The following HEMK2 variants were observed in gnomAD, a reference collection of about 807,000 sequenced individuals.
HEMK2 encodes methyltransferase HEMK2.
chr21:28,704,880 G>A, the HEMK2 span, among the ~76,000 whole-genome samples: 2 of 152,216 alleles, frequency 1.3e-5, no homozygotes, highest in Non-Finnish European at 2.9e-5. Flanking sequence ...ACCAGGTGGA[G>A]CATGTAAAGG....
At chr21:28,678,229 G>C in the HEMK2 span, among the ~76,000 whole-genome samples, 1 of 152,296 alleles carries the variant, frequency 6.6e-6, no homozygotes, top group East Asian at 1.9e-4. Context: ...ACCAAGGCAT[G>C]AGAACTACAT....
chr21:28,810,664 T>C, the HEMK2 span, among the ~76,000 whole-genome samples: 2 of 152,320 alleles, frequency 1.3e-5, no homozygotes, highest in South Asian at 4.1e-4. Context: ...GCAAGGATAT[T>C]GCTGAAAACT....
the HEMK2 span, among the ~76,000 whole-genome samples, chr21:28,698,165 A>G: frequency 6.6e-6 from 1 of 152,192 alleles, no homozygotes; most frequent in Admixed American, 6.5e-5. Flanking sequence ...AATTTAGGAA[A>G]CACACGAAGA....
At chr21:28,714,553 C>T in the HEMK2 span, among the ~76,000 whole-genome samples, 1 of 152,178 alleles carries the variant, frequency 6.6e-6, no homozygotes, top group Non-Finnish European at 1.5e-5. Flanking sequence ...GTTAAAGGAA[C>T]AAACATGGTT....
At chr21:28,721,714 A>G in the HEMK2 span, among the ~76,000 whole-genome samples, 1 of 152,108 alleles carries the variant, frequency 6.6e-6, no homozygotes. Context: ...CTTTACATAT[A>G]TTACTAATTA....
the HEMK2 span, among the ~76,000 whole-genome samples, chr21:28,640,192 C>A: frequency 6.6e-6 from 1 of 152,114 alleles, no homozygotes; most frequent in Non-Finnish European, 1.5e-5. Flanking sequence ...TCTGAGAGTT[C>A]CGAACAGTGT....
the HEMK2 span, among the ~76,000 whole-genome samples, chr21:28,769,518 G>A: frequency 6.6e-6 from 1 of 152,074 alleles, no homozygotes; most frequent in Non-Finnish European, 1.5e-5. Context: ...TACTCCAGAT[G>A]TAAATTTTCT....
the HEMK2 span, among the ~76,000 whole-genome samples, chr21:28,787,996 G>A: frequency 6.6e-6 from 1 of 151,630 alleles, no homozygotes; most frequent in African/African-American, 2.4e-5. Context: ...AAGAAACTAT[G>A]GTATGTATAT....
chr21:28,652,801 G>A, the HEMK2 span, among the ~76,000 whole-genome samples: 3 of 152,100 alleles, frequency 2.0e-5, no homozygotes, highest in Admixed American at 6.6e-5. Flanking sequence ...TTGAAGGGAT[G>A]AAGTGAAAAA....
chr21:28,787,620 C>T, the HEMK2 span, among the ~76,000 whole-genome samples: 1 of 152,174 alleles, frequency 6.6e-6, no homozygotes, highest in African/African-American at 2.4e-5. Flanking sequence ...CTCAACGTTA[C>T]TAATGATCAT....
chr21:28,724,781 G>A, the HEMK2 span, among the ~76,000 whole-genome samples: 1,186 of 152,024 alleles, frequency 7.8e-3, 12 homozygotes, highest in African/African-American at 0.027. Flanking sequence ...TTTTGTTTTT[G>A]TTTTTGTTTT....
the HEMK2 span, among the ~76,000 whole-genome samples, chr21:28,675,436 T>C: frequency 3.3e-5 from 5 of 152,200 alleles, no homozygotes; most frequent in Non-Finnish European, 7.3e-5. Flanking sequence ...ATTAAGTGTT[T>C]TGAATATCTA....
chr21:28,744,182 C>T, the HEMK2 span, among the ~76,000 whole-genome samples: 1 of 151,900 alleles, frequency 6.6e-6, no homozygotes, highest in Non-Finnish European at 1.5e-5. Context: ...TACACCAAAC[C>T]CCTGAGTCAT....
the HEMK2 span, among the ~76,000 whole-genome samples, chr21:28,864,341 G>T: frequency 6.6e-6 from 1 of 152,144 alleles, no homozygotes; most frequent in Non-Finnish European, 1.5e-5. Flanking sequence ...TAGCTAAAAA[G>T]ATTTCTACAG....
At chr21:28,834,121 C>T in the HEMK2 span, among the ~76,000 whole-genome samples, 1 of 152,140 alleles carries the variant, frequency 6.6e-6, no homozygotes, top group African/African-American at 2.4e-5. Flanking sequence ...GAATGATCCC[C>T]AACAAAAACC....
the HEMK2 span, among the ~76,000 whole-genome samples, chr21:28,836,154 G>A: frequency 1.3e-5 from 2 of 152,206 alleles, no homozygotes; most frequent in Non-Finnish European, 2.9e-5. Flanking sequence ...GAAATTCATC[G>A]CAAAAAGATC....
the HEMK2 span, among the ~76,000 whole-genome samples, chr21:28,850,217 C>CCTT: frequency 1.1e-5 from 1 of 94,430 alleles, no homozygotes; most frequent in East Asian, 3.8e-4. Flanking sequence ...ATTCAGCATT[C>CCTT]TTTTTTTTTT....
At chr21:28,591,774 TC>T in the HEMK2 span, among the ~76,000 whole-genome samples, 1 of 152,158 alleles carries the variant, frequency 6.6e-6, no homozygotes, top group South Asian at 2.1e-4. Context: ...ATCATCTAGC[TC>T]CTACTTATAA....
chr21:28,876,265 T>C, the HEMK2 span: 1 of 621,836 alleles, frequency 1.6e-6, no homozygotes, highest in Non-Finnish European at 2.7e-6. Context: ...ATGTTCCACC[T>C]TTCTACCTTT....
Sources: allele counts gnomAD v4.1 joint callset (sites outside exome capture counted in the v4.1 genomes callset), GRCh38; gene constraint gnomAD v4.1.1; transcripts MANE v1.5; gene names NCBI Gene and HGNC (gene_info 2026-07-23, HGNC 2026-07-21).